The following POLE variants were observed in gnomAD, a reference collection of about 807,000 sequenced individuals.
The protein encoded by POLE is DNA polymerase epsilon catalytic subunit A.
POLE carries 188 observed loss-of-function variants against 279.2 expected under a neutral mutation model. That is an observed-to-expected ratio of 0.67 (90% confidence interval 0.60 to 0.76). The LOEUF (loss-of-function observed/expected upper bound fraction) is 0.76, where lower values mean the gene tolerates loss of function less well. POLE is among the 30% of genes least tolerant of loss of function. POLE has a pLI of 0.00. For missense variants in POLE, 2,703 were observed against 3,016.7 expected (o/e 0.90, Z 2.44); for synonymous variants, 1,214 against 1,172.5 (o/e 1.04, Z -0.72).
chr12:132,666,873 G>A (rs528501977), intron 20 of POLE, among the ~76,000 whole-genome samples: 2 of 152,210 alleles, frequency 1.3e-5, no homozygotes, highest in Admixed American at 6.5e-5. Flanking sequence ...TATTATGTCC[G>A]CCTTACCATT....
intron 26 of POLE, among the ~76,000 whole-genome samples, 168 bp downstream of exon 26, chr12:132,659,127 G>C (rs1029892173): frequency 2.0e-5 from 3 of 152,132 alleles, no homozygotes; most frequent in Admixed American, 2.0e-4. Context: ...CCCCAAACTT[G>C]GTGTTAAACA....
chr12:132,644,027 C>T (rs1303932532), intron 32 of POLE, 50 bp from the exon 33 acceptor site: 5 of 1,584,504 alleles, frequency 3.2e-6, no homozygotes, highest in Non-Finnish European at 3.4e-6. Flanking sequence ...GTGGTAATGT[C>T]TGTGGTACAC....
chr12:132,635,893 A>C lies in POLE; in HGVS notation c.5810T>G (p.Leu1937Arg). 1.2e-6 allele frequency: 2 copies of C among 1,610,622 alleles called. No homozygotes were observed. Among genetic ancestry groups the C allele is most frequent in the Non-Finnish European group, 1.7e-6 (2 of 1,177,896 alleles). The change falls in exon 42 of 49, where the codon CTG (leucine) becomes CGG (arginine). Residue 1937 changes from leucine (L) to arginine (R), a missense_variant and splice_region_variant. Physicochemically the swap from Leu to Arg is moderately radical, Grantham distance 102. Coordinates refer to ENST00000320574, the MANE Select transcript of POLE (RefSeq NM_006231.4). ...GGTGCCACACTGCAGCTCGCTTACC[A>C]GTCCACAGTGAATACGAGATGAAAC... ...GKVSSRIHCGLQDSQKAGGAE... is the reference protein window; with the variant it reads ...GKVSSRIHCGRQDSQKAGGAE...
intron 35 of POLE, 101 bp downstream of exon 35, chr12:132,643,123 C>G: frequency 6.7e-7 from 1 of 1,486,310 alleles, no homozygotes; most frequent in Non-Finnish European, 9.2e-7. Flanking sequence ...GGCAAAGGCC[C>G]TTGAGGACAA....
intron 16 of POLE, 67 bp downstream of exon 16, chr12:132,672,148 T>G: frequency 9.1e-7 from 1 of 1,094,826 alleles, no homozygotes; most frequent in South Asian, 1.2e-5. Context: ...AACGTGCTGC[T>G]GAAAGACGTG....
At chr12:132,652,299 A>G (rs2042439316) in intron 29 of POLE, among the ~76,000 whole-genome samples, 1 of 150,026 alleles carries the variant, frequency 6.7e-6, no homozygotes, top group African/African-American at 2.4e-5. Flanking sequence ...GTTGTTTACC[A>G]AAGATTGTAG....
chr12:132,652,073 G>C (rs1280407634), intron 29 of POLE, among the ~76,000 whole-genome samples: 1 of 152,136 alleles, frequency 6.6e-6, no homozygotes, highest in African/African-American at 2.4e-5. Flanking sequence ...TGTGTGTGTT[G>C]ACTTCCTATC....
At position 132,641,774 on chromosome 12, in the gene POLE, C is replaced by T. The variant is rs1399070077; in HGVS notation, c.5251G>A (p.Ala1751Thr). The change falls in exon 39 of 49, where the codon GCC (alanine) becomes ACC (threonine). Residue 1751 changes from alanine (A) to threonine (T), a missense_variant. Physicochemically the swap from Ala to Thr is moderately conservative, Grantham distance 58 (BLOSUM62 0). Around this residue, in one of 5 missense-constraint regions of POLE, gnomAD observed 1,551 missense variants for 1,686.1 expected, o/e 0.92. Transcript: ENST00000320574. ...QSHHVNDMEG[A>T]DSMGISFDVI... ...TCGAAGCTGATCCCCATGCTGTCGGCCCCCTCCATGTCGTTGACATGGTGA... is the reference window on the plus strand; with the variant it reads ...TCGAAGCTGATCCCCATGCTGTCGGTCCCCTCCATGTCGTTGACATGGTGA... The T allele has an allele frequency of 1.9e-6, 3 of 1,609,332 alleles. No individual in the cohort carries two copies. The highest frequency in any genetic ancestry group is 2.2e-5 in the East Asian group (1 of 44,890).
intron 20 of POLE, 104 bp downstream of exon 20, chr12:132,667,399 T>C: frequency 8.3e-7 from 1 of 1,206,058 alleles, no homozygotes; most frequent in Non-Finnish European, 1.2e-6. Context: ...CGAGTGCAAG[T>C]GCCTGCTCAG....
chr12:132,634,256 G>A lies in POLE; in HGVS notation c.5934C>T (p.Asn1978=), dbSNP rs2041990702. The A allele has an allele frequency of 6.2e-7, 1 of 1,614,198 alleles. No homozygotes were observed. Among genetic ancestry groups the A allele is most frequent in the East Asian group, 2.2e-5 (1 of 44,888 alleles). ...GCAAAAACTGCAAAATGTTCCAGTT[G>A]TTTTCCAGTAAATCCTCCACGTTGG... ...EESNVEDLLE[N]NWNILQFLPQ... The change falls in exon 43 of 49, where the codon AAC becomes AAT. Residue 1978 remains asparagine, a synonymous_variant. Coordinates refer to ENST00000320574, the MANE Select transcript of POLE (RefSeq NM_006231.4). This position sits in a 1 kb window ranked among gnomAD's most constrained non-coding sequence, Gnocchi z 4.0.
rs144700138 is a variant in POLE, at chr12:132,628,381, G to A, written c.6331-2064C>T. Reference sequence around the variant, plus strand: ...TTTTGGGCTGGGCGTGGTGGCTTGTGCCTGTAATCCCAGCACTTTGGGAGG... The same window carrying A: ...TTTTGGGCTGGGCGTGGTGGCTTGTACCTGTAATCCCAGCACTTTGGGAGG... On this transcript the variant is annotated intron_variant, in intron 45 of 48. Transcript: ENST00000320574. 2.7e-3 allele frequency among the ~76,000 whole-genome samples: 406 copies of A among 151,990 alleles called. 3 individuals carry two copies. Among genetic ancestry groups the A allele is most frequent in the South Asian group, 0.025 (119 of 4,804 alleles).
rs541588569 is a variant in POLE at position 132,663,887 on chromosome 12, G to A, written c.2706+117C>T. On this transcript the variant is annotated intron_variant, in intron 23 of 48. Transcript: ENST00000320574. ...GGTCTTCAGGCTATAGAAAAGCAAT[G>A]TGAGCAGTGCTGGGTGCCAGGAAGG... 9.8e-5 allele frequency: 100 copies of A among 1,019,018 alleles called. No homozygotes were observed. The African/African-American group carries it at 1.3e-3, about 14-fold the overall frequency. 63.1% of individuals were successfully genotyped at this position (1,019,018 alleles called of 1,614,324 possible).
intron 29 of POLE, among the ~76,000 whole-genome samples, chr12:132,652,320 T>A (rs1276273509): frequency 1.3e-5 from 2 of 148,150 alleles, no homozygotes; most frequent in East Asian, 3.9e-4. Context: ...TTTCCTTTTT[T>A]TTTTTTTTTT....
chr12:132,667,073 C>T (rs770761566), intron 20 of POLE, among the ~76,000 whole-genome samples: 3 of 152,084 alleles, frequency 2.0e-5, no homozygotes, highest in East Asian at 1.9e-4. Context: ...ATGTTCCTAC[C>T]GGATGAAATA....
rs546733374 is a variant in POLE at position 132,649,776 on chromosome 12, C to A, written c.3696G>T (p.Lys1232Asn). The change falls in exon 30 of 49, where the codon AAG (lysine) becomes AAT (asparagine). Residue 1232 changes from lysine (K) to asparagine (N), a missense_variant. Physicochemically the swap from Lys to Asn is moderately conservative, Grantham distance 94. Coordinates refer to ENST00000320574, the MANE Select transcript of POLE (RefSeq NM_006231.4). ...CCTCCTGGCTCTCCCAAAGAACTCG[C>A]TTCCTCTTCACAGTGACAGGGGCTG... Reference protein sequence around the residue: ...HPAAPVTVKRKRVLWESQEES... With the variant: ...HPAAPVTVKRNRVLWESQEES... 3.1e-6 allele frequency: 5 copies of A among 1,614,230 alleles called. No homozygotes were observed. In the South Asian group the frequency reaches 5.5e-5, roughly 18 times the overall value.
chr12:132,679,014 A>G (rs2043112896), intron 6 of POLE, among the ~76,000 whole-genome samples: 1 of 152,186 alleles, frequency 6.6e-6, no homozygotes, highest in South Asian at 2.1e-4. Flanking sequence ...AAGTCATCTA[A>G]ACTTCATTAC....
In POLE at chr12:132,624,898, A is replaced by G. The variant is rs2138422691; in HGVS notation, c.6747+7T>C. The stretch of plus-strand genomic sequence containing the variant: ...GGCTGAGCCGAGGCAGATGAGGGAG[A>G]GCCCACCTGGGTGTGGATGGTGAGG... On this transcript the variant is annotated splice_region_variant and intron_variant, in intron 48 of 48. Transcript: ENST00000320574. 2 of 1,611,168 alleles carry G rather than the reference A, an allele frequency of 1.2e-6. No homozygotes were observed. The highest frequency in any genetic ancestry group is 1.7e-6 in the Non-Finnish European group (2 of 1,177,308).
Position 132,664,938 on chromosome 12 carries a change from C to G in POLE, c.2468+364G>C, listed in dbSNP as rs1454147698. ...ATGCCCCTTGTCAGTTGCTTCTCTG[C>G]CCCTCCCGGACACGCAGACATGCTG... On this transcript the variant is annotated intron_variant, in intron 21 of 48. Transcript: ENST00000320574. This position sits in a 1 kb window ranked among gnomAD's most constrained non-coding sequence, Gnocchi z 5.3. 1.3e-5 allele frequency among the ~76,000 whole-genome samples: 2 copies of G among 150,078 alleles called. No homozygotes were observed. The highest frequency in any genetic ancestry group is 6.6e-5 in the Admixed American group (1 of 15,066).
Position 132,675,756 on chromosome 12 carries a change from T to C in POLE, c.1085A>G (p.Tyr362Cys), listed in dbSNP as rs1368897791. 5.6e-6 allele frequency: 9 copies of C among 1,614,060 alleles called. No individual in the cohort carries two copies. The highest frequency in any genetic ancestry group is 7.6e-6 in the Non-Finnish European group (9 of 1,179,908). ...TCACCAGTCAAAAAAGTCCCCGTTGTAGGTGACCATGATGGTGGGTTTGGT... is the reference window on the plus strand; with the variant it reads ...TCACCAGTCAAAAAAGTCCCCGTTGCAGGTGACCATGATGGTGGGTTTGGT... ...QETKPTIMVTYNGDFFDWPFV... is the reference protein window; with the variant it reads ...QETKPTIMVTCNGDFFDWPFV... Residue 362 changes from tyrosine to cysteine, a missense_variant, in exon 11 of 49, where the codon TAC becomes TGC. Coordinates refer to ENST00000320574, the MANE Select transcript of POLE (RefSeq NM_006231.4). This position sits in a 1 kb window ranked among gnomAD's most constrained non-coding sequence, Gnocchi z 4.3.
Sources: gnomAD v4.1 joint callset for allele counts (sites outside exome capture counted in the v4.1 genomes callset) on GRCh38, gnomAD v4.1.1 for gene constraint, gnomAD v4.1.1 regional missense constraint, Gnocchi (gnomAD v3.1) non-coding constraint, MANE v1.5 for transcripts, NCBI Gene and HGNC (gene_info 2026-07-23, HGNC 2026-07-21) for gene names.